Variants in RIPK4 observed in about 807,000 individuals in gnomAD.
The protein encoded by RIPK4 is receptor-interacting serine/threonine-protein kinase 4.
A neutral mutation model predicts 42.9 loss-of-function variants in RIPK4; 17 were observed. The observed-to-expected ratio is 0.40, with a 90% CI of 0.27 to 0.59. The LOEUF is 0.59. Among genes scored for constraint, RIPK4 ranks in the 20% least tolerant of loss-of-function variants. The probability of loss-of-function intolerance (pLI) is 0.47; values close to 1 mark genes in which losing one functional copy is unlikely to be tolerated. For synonymous variants in RIPK4, 498 were observed against 499.1 expected, an observed-to-expected ratio of 1.00 and a Z score of 0.03; for missense variants, 897 against 1,104.4, an observed-to-expected ratio of 0.81 and a Z score of 2.66.
At chr21:41,747,606 C>A (rs368457135) in intron 4 of RIPK4, among the ~76,000 whole-genome samples, 66 of 152,336 alleles carry the variant, frequency 4.3e-4, no homozygotes, top group African/African-American at 1.6e-3. Flanking sequence ...GAATCACCCA[C>A]GGCTGCCAGG....
chr21:41,749,889 TAAAAAAAAAAAAAA>T (rs776305508), intron 3 of RIPK4, among the ~76,000 whole-genome samples: 1 of 99,398 alleles, frequency 1.0e-5, no homozygotes, highest in African/African-American at 3.6e-5. Flanking sequence ...CCAAATTGAT[TAAAAAAAAAAAAAA>T]AAAAAAGAAA....
chr21:41,766,199 G>A (rs969173527), intron 1 of RIPK4, among the ~76,000 whole-genome samples: 7 of 152,148 alleles, frequency 4.6e-5, no homozygotes, highest in Non-Finnish European at 2.9e-5. Flanking sequence ...CAACACCCCG[G>A]GCCCCGTGCC....
Position 41,752,630 on chromosome 21 carries a change from G to A in RIPK4, c.475-1385C>T, listed in dbSNP as rs183311889. ...GCTCCCCAGAGGAACGCCATCACCC[G>A]ACCCTGCAAACCCCGGCGGCTGCTG... On this transcript the variant is annotated intron_variant, in intron 2 of 7. Transcript: ENST00000332512. Among the ~76,000 whole-genome samples the A allele has an allele frequency of 5.4e-3, 815 of 152,318 alleles. 3 individuals carry two copies. The highest frequency in any genetic ancestry group is 7.5e-3 in the Non-Finnish European group (513 of 68,020).
chr21:41,762,398 G>A (rs1183788554), intron 1 of RIPK4, among the ~76,000 whole-genome samples: 1 of 152,132 alleles, frequency 6.6e-6, no homozygotes, highest in Admixed American at 6.5e-5. Flanking sequence ...TTTCCACACT[G>A]TTTACCATCC....
intron 1 of RIPK4, among the ~76,000 whole-genome samples, chr21:41,757,797 G>A (rs985575444): frequency 6.6e-6 from 1 of 151,224 alleles, no homozygotes; most frequent in Admixed American, 6.6e-5. Flanking sequence ...TCAGGAGTTC[G>A]AGACCAGCCT....
In RIPK4 at chr21:41,751,121, A is replaced by C; in HGVS notation, c.599T>G (p.Phe200Cys). 1 of 1,614,152 alleles carries C rather than the reference A, an allele frequency of 6.2e-7. No homozygotes were observed. Among genetic ancestry groups the C allele is most frequent in the Non-Finnish European group, 8.5e-7 (1 of 1,180,030 alleles). The change falls in exon 3 of 8, where the codon TTC becomes TGC. Residue 200 changes from phenylalanine to cysteine, a missense_variant. Phe to Cys is a radical substitution (Grantham distance 205). Transcript: ENST00000332512. This position sits in a 1 kb window ranked among gnomAD's most constrained non-coding sequence, Gnocchi z 4.5. Reference sequence around the variant, plus strand: ...CCTGTATACATCGTGCTTGGTGTCGAAGAGCCGGCTCTTCTCCCTGATGCG... The same window carrying C: ...CCTGTATACATCGTGCTTGGTGTCGCAGAGCCGGCTCTTCTCCCTGATGCG... ...PERIREKSRL[F>C]DTKHDVYSFA... is the part of the protein sequence containing the mutation.
intron 1 of RIPK4, among the ~76,000 whole-genome samples, chr21:41,760,730 G>A (rs893486308): frequency 1.3e-5 from 2 of 152,124 alleles, no homozygotes; most frequent in African/African-American, 2.4e-5. Context: ...TACGGTGGAC[G>A]CGGGAGCACC....
Position 41,751,175 on chromosome 21 carries a change from A to C in RIPK4, c.545T>G (p.Phe182Cys), listed in dbSNP as rs1243970523. The C allele has an allele frequency of 3.1e-6, 5 of 1,614,246 alleles. No individual in the cohort carries two copies. The East Asian group carries it at 1.1e-4, about 36-fold the overall frequency. The change falls in exon 3 of 8, where the codon TTT (phenylalanine) becomes TGT (cysteine). Residue 182 changes from phenylalanine (F) to cysteine (C), a missense_variant. Transcript: ENST00000332512. This position sits in a 1 kb window ranked among gnomAD's most constrained non-coding sequence, Gnocchi z 4.5. ...HSHDLSMDGLFGTIAYLPPER... is the reference protein window; with the variant it reads ...HSHDLSMDGLCGTIAYLPPER... ...TGGAGGGAGGTAGGCGATTGTGCCA[A>C]ACAGGCCATCCATGCTGAGGTCATG...
chr21:41,741,530 T>C lies in RIPK4; in HGVS notation c.1663A>G (p.Ile555Val). 2 of 1,612,476 alleles carry C rather than the reference T, an allele frequency of 1.2e-6. No individual in the cohort carries two copies. The highest frequency in any genetic ancestry group is 1.7e-6 in the Non-Finnish European group (2 of 1,180,002). Residue 555 changes from isoleucine to valine, a missense_variant, in exon 8 of 8, where the codon ATC (isoleucine) becomes GTC (valine). Ile to Val is a conservative substitution (Grantham distance 29). Coordinates refer to ENST00000332512, the MANE Select transcript of RIPK4 (RefSeq NM_020639.3). ...ACGTCCACGCCTCGGCGCAGCAGGA[T>C]GCGCACGATATTCTCCTGCCCGTGC... Reference protein sequence around the residue: ...CQHGQENIVRILLRRGVDVSL... With the variant: ...CQHGQENIVRVLLRRGVDVSL...
At chr21:41,744,489 C>T (rs1012505940) in intron 6 of RIPK4, among the ~76,000 whole-genome samples, 1 of 151,672 alleles carries the variant, frequency 6.6e-6, no homozygotes, top group African/African-American at 2.4e-5. Context: ...CAAAGACTTG[C>T]GCTGGCCCCA....
chr21:41,751,267 G>A lies in RIPK4; in HGVS notation c.475-22C>T, dbSNP rs756600232. The stretch of plus-strand genomic sequence containing the variant: ...AAATCTGCAACACAGCCATCAGAGC[G>A]GGGCTCATTAGCCTGCAACAGTGAT... On this transcript the variant is annotated intron_variant, in intron 2 of 7. Coordinates refer to ENST00000332512, the MANE Select transcript of RIPK4 (RefSeq NM_020639.3). This position sits in a 1 kb window ranked among gnomAD's most constrained non-coding sequence, Gnocchi z 4.5. 3.6e-5 allele frequency: 58 copies of A among 1,612,724 alleles called. No individual in the cohort carries two copies. The Admixed American group carries it at 4.2e-4, about 12-fold the overall frequency.
At chr21:41,756,168 G>A (rs750128876) in intron 2 of RIPK4, among the ~76,000 whole-genome samples, 2 of 152,146 alleles carry the variant, frequency 1.3e-5, no homozygotes, top group Non-Finnish European at 2.9e-5. Flanking sequence ...CTAAGGTCTC[G>A]CAAGGACACA....
At chr21:41,754,827 T>C (rs957976438) in intron 2 of RIPK4, among the ~76,000 whole-genome samples, 3 of 152,208 alleles carry the variant, frequency 2.0e-5, no homozygotes, top group Non-Finnish European at 4.4e-5. Flanking sequence ...GTTTCTTTCA[T>C]GTCAAGCACA....
chr21:41,762,085 C>G (rs1014611773), intron 1 of RIPK4, among the ~76,000 whole-genome samples: 7 of 152,206 alleles, frequency 4.6e-5, no homozygotes, highest in African/African-American at 1.7e-4. Flanking sequence ...ACGGAGTCCA[C>G]CCCAGCTTTG....
Position 41,744,121 on chromosome 21 carries a change from T to C in RIPK4, c.956A>G (p.Lys319Arg). Residue 319 changes from lysine (K) to arginine (R), a missense_variant, in exon 7 of 8, where the codon AAG (lysine) becomes AGG (arginine). Coordinates refer to ENST00000332512, the MANE Select transcript of RIPK4 (RefSeq NM_020639.3). The part of the protein sequence containing the change: ...PRSEVVPARL[K>R]RASAPTFDND... ...ATCGAAGGTGGGGGCAGAGGCCCGC[T>C]TGAGCCTCGCAGGCACCACCTGCGA... is the stretch of plus-strand genomic sequence containing the variant. 1.3e-6 allele frequency: 2 copies of C among 1,597,736 alleles called. No individual in the cohort carries two copies. The highest frequency in any genetic ancestry group is 8.5e-7 in the Non-Finnish European group (1 of 1,170,476).
chr21:41,747,760 G>A (rs905581379), intron 4 of RIPK4, among the ~76,000 whole-genome samples: 2 of 152,138 alleles, frequency 1.3e-5, no homozygotes, highest in Non-Finnish European at 2.9e-5. Context: ...TGAAGTAAAC[G>A]CCCGGAATGT....
At chr21:41,745,224 C>G (rs1234125978) in intron 6 of RIPK4, among the ~76,000 whole-genome samples, 2 of 152,212 alleles carry the variant, frequency 1.3e-5, no homozygotes, top group Non-Finnish European at 2.9e-5. Flanking sequence ...GATTAATCGC[C>G]CAACACCAGA....
chr21:41,757,998 C>CCAAAAAAAAAAAAAAAA (rs1479763213), intron 1 of RIPK4, among the ~76,000 whole-genome samples: 1 of 13,078 alleles, frequency 7.6e-5, no homozygotes, highest in Admixed American at 1.5e-3. Context: ...GACTCCATAA[C>CCAAAAAAAAAAAAAAAA]AAAAAAAAAA....
At chr21:41,766,200 G>GTGCCGGA (rs2061235786) in intron 1 of RIPK4, among the ~76,000 whole-genome samples, 1 of 152,084 alleles carries the variant, frequency 6.6e-6, no homozygotes. Flanking sequence ...AACACCCCGG[G>GTGCCGGA]CCCCGTGCCG....
Sources: allele counts gnomAD v4.1 joint callset (sites outside exome capture counted in the v4.1 genomes callset), GRCh38; gene constraint gnomAD v4.1.1; non-coding constraint Gnocchi (gnomAD v3.1); transcripts MANE v1.5; gene names NCBI Gene and HGNC (gene_info 2026-07-23, HGNC 2026-07-21).